INSR: variants seen among roughly 807,000 people sequenced by gnomAD.
INSR encodes the protein IR.
Under a neutral mutation model 142.6 loss-of-function variants are expected in INSR, and 67 were observed. That is an observed-to-expected ratio of 0.47 (90% CI 0.39 to 0.58). The LOEUF (loss-of-function observed/expected upper bound fraction) is 0.58. INSR is among the 20% of genes least tolerant of loss of function. The probability of loss-of-function intolerance (pLI) is 0.00; values close to 1 mark genes in which losing one functional copy is unlikely to be tolerated. For synonymous variants in INSR, 756 were observed against 743.1 expected (o/e 1.02, Z -0.28); for missense variants, 1,248 against 1,833.2 (o/e 0.68, Z 5.83).
intron 2 of INSR, among the ~76,000 whole-genome samples, chr19:7,242,491 T>C: frequency 6.8e-6 from 1 of 146,520 alleles, no homozygotes; most frequent in African/African-American, 2.8e-5. Flanking sequence ...TTCCCAGCAT[T>C]TGAAAGGCTG....
intron 1 of INSR, among the ~76,000 whole-genome samples, chr19:7,270,735 G>A (rs947563611): frequency 6.6e-6 from 1 of 151,840 alleles, no homozygotes; most frequent in Non-Finnish European, 1.5e-5. Context: ...TCCAGCTTGG[G>A]CAACAGAGTG....
chr19:7,158,393 CG>C (rs1973664167), intron 9 of INSR, among the ~76,000 whole-genome samples: 2 of 151,886 alleles, frequency 1.3e-5, no homozygotes, highest in African/African-American at 4.8e-5. Context: ...CCCAGCTACT[CG>C]GGAGGCTGAC....
intron 9 of INSR, among the ~76,000 whole-genome samples, chr19:7,153,310 AT>A (rs1973475471): frequency 4.3e-5 from 6 of 139,184 alleles, no homozygotes; most frequent in East Asian, 2.4e-4. Context: ...CACCACACAA[AT>A]CACACACACA....
At chr19:7,158,735 C>T (rs551793212) in intron 9 of INSR, among the ~76,000 whole-genome samples, 3 of 152,146 alleles carry the variant, frequency 2.0e-5, no homozygotes, top group Non-Finnish European at 2.9e-5. Flanking sequence ...TGCTCTTAAA[C>T]ATGGTTATAA....
chr19:7,218,523 T>C (rs1361947781), intron 2 of INSR, among the ~76,000 whole-genome samples: 1 of 151,594 alleles, frequency 6.6e-6, no homozygotes, highest in Non-Finnish European at 1.5e-5. Context: ...GTTTGTTTTG[T>C]TGTTTTTTTC....
chr19:7,188,967 C>T (rs1391858230), intron 2 of INSR, among the ~76,000 whole-genome samples: 2 of 151,244 alleles, frequency 1.3e-5, no homozygotes, highest in South Asian at 2.1e-4. Context: ...AGGATGACGT[C>T]AGTAACACAT....
intron 11 of INSR, among the ~76,000 whole-genome samples, chr19:7,145,381 TC>T (rs1336679907): frequency 6.6e-6 from 1 of 152,156 alleles, no homozygotes; most frequent in Non-Finnish European, 1.5e-5. Context: ...TTGAAAGGGA[TC>T]TTTTCCCTTA....
At chr19:7,203,569 G>C (rs1000703853) in intron 2 of INSR, among the ~76,000 whole-genome samples, 1 of 152,136 alleles carries the variant, frequency 6.6e-6, no homozygotes, top group Non-Finnish European at 1.5e-5. Flanking sequence ...TCACATGACT[G>C]ATGGCTTTTC....
At chr19:7,232,239 T>A (rs1976001828) in intron 2 of INSR, among the ~76,000 whole-genome samples, 1 of 151,874 alleles carries the variant, frequency 6.6e-6, no homozygotes, top group African/African-American at 2.4e-5. Flanking sequence ...TGAGACAGAG[T>A]CTCCTTCTGT....
intron 2 of INSR, among the ~76,000 whole-genome samples, chr19:7,249,996 A>AT (rs1262747275): frequency 1.5e-4 from 23 of 151,766 alleles, no homozygotes; most frequent in Non-Finnish European, 2.9e-5. Flanking sequence ...TGTCTCAAAA[A>AT]AAAATAAAAT....
chr19:7,172,140 C>T (rs925628977), intron 5 of INSR, 150 bp downstream of exon 5: 12 of 778,024 alleles, frequency 1.5e-5, no homozygotes, highest in Admixed American at 4.0e-5. Context: ...TTGAACTCCC[C>T]GCCTCAAGTG....
chr19:7,113,482 T>A lies in INSR; in HGVS notation c.*3574A>T, dbSNP rs943452729. On this transcript the variant is annotated 3_prime_UTR_variant, in exon 22 of 22. Transcript: ENST00000302850. ...TAAAACCTGAACATTTTCTGATGCG[T>A]ATTTGACATCACTGATGCAGAGAGA... The A allele has an allele frequency of 4.6e-5, 7 of 152,158 alleles. No individual in the cohort carries two copies. The highest frequency in any genetic ancestry group is 1.4e-4 in the African/African-American group (6 of 41,430). 9.4% of individuals were successfully genotyped at this position (152,158 alleles called of 1,614,324 possible).
chr19:7,262,288 T>C (rs1977087519), intron 2 of INSR, among the ~76,000 whole-genome samples: 1 of 152,122 alleles, frequency 6.6e-6, no homozygotes, highest in Non-Finnish European at 1.5e-5. Context: ...CTGGCCAACA[T>C]GGTGAAACCC....
At chr19:7,288,859 A>T (rs1968413351) in intron 1 of INSR, among the ~76,000 whole-genome samples, 1 of 147,546 alleles carries the variant, frequency 6.8e-6, no homozygotes, top group African/African-American at 2.5e-5. Flanking sequence ...GCTACTGGAG[A>T]GGCTGAGGCA....
At chr19:7,136,828 C>CATCTATATATATATATATAT (rs1972938589) in intron 13 of INSR, among the ~76,000 whole-genome samples, 1 of 139,752 alleles carries the variant, frequency 7.2e-6, no homozygotes, top group African/African-American at 2.9e-5. Context: ...TATTTATTTA[C>CATCTATATATATATATATAT]ATATATATAT....
At chr19:7,188,674 C>G (rs903775474) in intron 2 of INSR, among the ~76,000 whole-genome samples, 1 of 150,846 alleles carries the variant, frequency 6.6e-6, no homozygotes, top group Non-Finnish European at 1.5e-5. Flanking sequence ...GAGTTCAAGA[C>G]GACCAGCCTG....
At chr19:7,143,787 G>T (rs946337582) in intron 11 of INSR, among the ~76,000 whole-genome samples, 1 of 152,180 alleles carries the variant, frequency 6.6e-6, no homozygotes, top group Non-Finnish European at 1.5e-5. Flanking sequence ...GGGCGAGGTG[G>T]CTCATGCCTA....
In INSR at chr19:7,122,999, A is replaced by T; in HGVS notation, c.3259-10T>A. ...CTCCCAGGAGGCGCACCTGCAGAGC[A>T]AGCAACCAGGGTTCTTGGAGGAGGG... On this transcript the variant is annotated splice_polypyrimidine_tract_variant and intron_variant, in intron 17 of 21. Transcript: ENST00000302850. The T allele has an allele frequency of 6.3e-7, 1 of 1,583,496 alleles. No individual in the cohort carries two copies. The highest frequency in any genetic ancestry group is 8.6e-7 in the Non-Finnish European group (1 of 1,163,896).
At chr19:7,288,751 T>C (rs1600135803) in intron 1 of INSR, among the ~76,000 whole-genome samples, 1 of 145,760 alleles carries the variant, frequency 6.9e-6, no homozygotes, top group African/African-American at 2.5e-5. Flanking sequence ...TCTCTTGAGG[T>C]CAGGAGTTTG....
Sources: gnomAD v4.1 joint callset for allele counts (sites outside exome capture counted in the v4.1 genomes callset) on GRCh38, gnomAD v4.1.1 for gene constraint, MANE v1.5 for transcripts, NCBI Gene and HGNC (gene_info 2026-07-23, HGNC 2026-07-21) for gene names.